Variants in ZAN observed in about 807,000 individuals in gnomAD.
ZAN encodes the protein zonadhesin (gene/pseudogene).
ZAN carries 260 observed loss-of-function variants against 286.2 expected under a neutral mutation model. The ratio of observed to expected loss-of-function variants is 0.91; its 90% CI spans 0.82 to 1.01. ZAN has a LOEUF of 1.01. Ranked by LOEUF, ZAN falls within the 50% of genes least tolerant of loss-of-function variation. ZAN has a pLI of 0.00. For synonymous variants in ZAN, 1,368 were observed against 1,417.5 expected (o/e 0.97, Z 0.79); for missense variants, 3,410 against 3,639.2 (o/e 0.94, Z 1.62).
intron 22 of ZAN, among the ~76,000 whole-genome samples, chr7:100,764,849 G>A (rs367679685): frequency 6.7e-4 from 102 of 152,256 alleles, no homozygotes; most frequent in African/African-American, 2.3e-3. Flanking sequence ...CTGCACTACA[G>A]CCTGGGCAGT....
chr7:100,783,466 G>C (rs1014569383), intron 35 of ZAN, among the ~76,000 whole-genome samples: 2 of 150,624 alleles, frequency 1.3e-5, no homozygotes, highest in African/African-American at 2.4e-5. Context: ...GGGTGTGGTG[G>C]CTCATGCCTG....
intron 34 of ZAN, among the ~76,000 whole-genome samples, chr7:100,778,166 C>A (rs768524500): frequency 1.7e-4 from 25 of 151,056 alleles, no homozygotes; most frequent in Non-Finnish European, 2.4e-4. Flanking sequence ...AATTAGCCAG[C>A]CATGGTGGCA....
At chr7:100,779,336 G>T in intron 34 of ZAN, 110 bp from the exon 35 acceptor site, 1 of 1,089,340 alleles carries the variant, frequency 9.2e-7, no homozygotes, top group Non-Finnish European at 1.3e-6. Context: ...TGAGACTGTT[G>T]CATTGCACTC....
Position 100,759,816 on chromosome 7 carries a change from G to C in ZAN, c.3667G>C (p.Val1223Leu), listed in dbSNP as rs367887096. The change falls in exon 18 of 48, where the codon GTC (valine) becomes CTC (leucine). Residue 1223 changes from valine to leucine, a missense_variant. By Grantham distance (32) the Val-to-Leu change is conservative. Around this residue, in one of 7 missense-constraint regions of ZAN, gnomAD observed 1,042 missense variants for 1,058.0 expected, o/e 0.98. Transcript: ENST00000613979. ...CTACGTGACCCTGCCCGAGAGCACC[G>C]TCACCCTGCTTAAGGGCAGACGCAC... ...KVYVTLPEST[V>L]TLLKGRRTLV... The C allele has an allele frequency of 2.2e-5, 35 of 1,612,014 alleles. No homozygotes were observed. In the Admixed American group the frequency reaches 5.8e-4, roughly 27 times the overall value.
At chr7:100,764,384 A>G (rs1478679105) in intron 22 of ZAN, among the ~76,000 whole-genome samples, 188 bp downstream of exon 22, 1 of 152,214 alleles carries the variant, frequency 6.6e-6, no homozygotes, top group Non-Finnish European at 1.5e-5. Flanking sequence ...AGTCCCAGCT[A>G]CACTGGAGGC....
intron 34 of ZAN, among the ~76,000 whole-genome samples, chr7:100,777,042 C>CT (rs1810867044): frequency 7.9e-6 from 1 of 126,180 alleles, no homozygotes; most frequent in South Asian, 2.7e-4. Context: ...CCTCTCCTTT[C>CT]TTTCGTTCTT....
rs1269266888 is a variant in ZAN, at chr7:100,768,614, C to A, written c.5046C>A (p.Asn1682Lys). ...TTTAATGACTCCCTCCTCTAGGGAA[C>A]TACAACAACAACAGCTTGGATGACA... is the stretch of plus-strand genomic sequence containing the variant. ...YGGQLCGLCG[N>K]YNNNSLDDNL... is the part of the protein sequence containing the mutation. The change falls in exon 27 of 48, where the codon AAC becomes AAA. Residue 1682 changes from asparagine (N) to lysine (K), a missense_variant. Coordinates refer to ENST00000613979, the MANE Select transcript of ZAN (RefSeq NM_003386.3). 1.2e-6 allele frequency: 2 copies of A among 1,606,126 alleles called. No homozygotes were observed. The highest frequency in any genetic ancestry group is 1.7e-6 in the Non-Finnish European group (2 of 1,176,162).
Position 100,751,982 on chromosome 7 carries a change from C to G in ZAN, c.1877C>G (p.Pro626Arg). 1.2e-6 allele frequency: 2 copies of G among 1,612,866 alleles called. No homozygotes were observed. Among genetic ancestry groups the G allele is most frequent in the Non-Finnish European group, 1.7e-6 (2 of 1,179,544 alleles). ...AAACCCACCATTCCCTCAGAAAAAC[C>G]CACCATCCTCACAGAAAAACCCACC... ...SEKPTIPSEK[P>R]TILTEKPTIP... is the part of the protein sequence containing the mutation. The change falls in exon 14 of 48, where the codon CCC becomes CGC. Residue 626 changes from proline (P) to arginine (R), a missense_variant. Physicochemically the swap from Pro to Arg is moderately radical, Grantham distance 103 (BLOSUM62 -2). This residue lies in a region of ZAN where 872 missense variants were observed against 938.9 expected (regional missense o/e 0.93). Transcript: ENST00000613979.
At chr7:100,767,543 A>G (rs1037583150) in intron 25 of ZAN, among the ~76,000 whole-genome samples, 39 of 133,632 alleles carry the variant, frequency 2.9e-4, no homozygotes, top group African/African-American at 1.1e-3. Flanking sequence ...TGGTGCGATC[A>G]TAGCTTATTG....
chr7:100,758,679 G>T (rs1215762066), intron 17 of ZAN, 29 bp downstream of exon 17: 58 of 1,546,970 alleles, frequency 3.7e-5, no homozygotes, highest in Non-Finnish European at 4.8e-5. Flanking sequence ...ACTGCGGCCT[G>T]GGGGGAGGGT....
intron 37 of ZAN, among the ~76,000 whole-genome samples, chr7:100,786,547 T>C (rs1811578648): frequency 6.6e-6 from 1 of 152,208 alleles, no homozygotes; most frequent in South Asian, 2.1e-4. Context: ...TAGCTGGGAC[T>C]ACAGGCATGG....
At position 100,766,643 on chromosome 7, in the gene ZAN, G is replaced by T. The variant is rs763473491; in HGVS notation, c.4589G>T (p.Gly1530Val). Residue 1530 changes from glycine (G) to valine (V), a missense_variant, in exon 24 of 48, where the codon GGT becomes GTT. Around this residue, in one of 7 missense-constraint regions of ZAN, gnomAD observed 1,042 missense variants for 1,058.0 expected, o/e 0.98. Transcript: ENST00000613979. ...CAGGAGTTCTGTGGCCAACAGGATG[G>T]TATCTATGGCTGCCATGCCCAAGGT... ...RAQEFCGQQDGIYGCHAQGAA... is the reference protein window; with the variant it reads ...RAQEFCGQQDVIYGCHAQGAA... 1 of 1,567,076 alleles carries T rather than the reference G, an allele frequency of 6.4e-7. No individual in the cohort carries two copies. Among genetic ancestry groups the T allele is most frequent in the South Asian group, 1.2e-5 (1 of 84,882 alleles).
At chr7:100,785,001 G>A (rs1258990963) in intron 36 of ZAN, among the ~76,000 whole-genome samples, 167 bp downstream of exon 36, 1 of 152,126 alleles carries the variant, frequency 6.6e-6, no homozygotes, top group Non-Finnish European at 1.5e-5. Context: ...TGGGCTGATG[G>A]CACATGGTTT....
At chr7:100,766,434 C>T in intron 23 of ZAN, 91 bp from the exon 24 acceptor site, 3 of 1,430,732 alleles carry the variant, frequency 2.1e-6, no homozygotes, top group Non-Finnish European at 2.8e-6. Flanking sequence ...GTGATCTGAA[C>T]AGCTCTGGTG....
At chr7:100,767,685 C>T in intron 25 of ZAN, 146 bp from the exon 26 acceptor site, 1 of 912,620 alleles carries the variant, frequency 1.1e-6, no homozygotes, top group Non-Finnish European at 1.6e-6. Context: ...CTCCATGTTG[C>T]CCAGGCTGAT....
chr7:100,788,986 A>G (rs1811757082), intron 38 of ZAN, among the ~76,000 whole-genome samples: 3 of 152,160 alleles, frequency 2.0e-5, no homozygotes, highest in African/African-American at 7.2e-5. Context: ...GGTGTGAGCC[A>G]CTGTGCCCGG....
chr7:100,762,084 C>G, intron 19 of ZAN, 131 bp from the exon 20 acceptor site: 1 of 1,145,694 alleles, frequency 8.7e-7, no homozygotes, highest in Non-Finnish European at 1.3e-6. Context: ...TCCTCTTGTC[C>G]AGTCCGCACC....
intron 1 of ZAN, 28 bp from the exon 2 acceptor site, chr7:100,733,999 T>G: frequency 2.2e-6 from 1 of 464,490 alleles, no homozygotes; most frequent in Non-Finnish European, 4.1e-6. Flanking sequence ...GATGGTAACT[T>G]TCAACTCTCA....
Position 100,749,979 on chromosome 7 carries a change from A to G in ZAN, c.1250-646A>G, listed in dbSNP as rs1487591061. Among the ~76,000 whole-genome samples the G allele has an allele frequency of 2.8e-5, 4 of 145,074 alleles. No homozygotes were observed. The East Asian group carries it at 9.4e-4, about 34-fold the overall frequency. ...GGCAGGACAATCGCTTGAACCTGGG[A>G]GGTGGAGGTTGTAGTGAGCTGAGAT... On this transcript the variant is annotated intron_variant, in intron 11 of 47. Coordinates refer to ENST00000613979, the MANE Select transcript of ZAN (RefSeq NM_003386.3).
Sources: allele counts gnomAD v4.1 joint callset (sites outside exome capture counted in the v4.1 genomes callset), GRCh38; gene constraint gnomAD v4.1.1; regional missense constraint gnomAD v4.1.1; transcripts MANE v1.5; gene names NCBI Gene and HGNC (gene_info 2026-07-23, HGNC 2026-07-21).